ACYP2: variants seen among roughly 807,000 people sequenced by gnomAD.
ACYP2 encodes acylphosphatase 2.
In ACYP2, 12 loss-of-function variants were observed where a neutral mutation model predicts 11.2. The observed-to-expected ratio is 1.08, with a 90% CI of 0.69 to 1.74. ACYP2 has a LOEUF of 1.74. Ranked by LOEUF, ACYP2 falls within the 40% of genes most tolerant of loss-of-function variation. ACYP2 has a pLI of 0.00. For synonymous variants in ACYP2, 43 were observed against 32.2 expected (o/e 1.33, Z -1.13); for missense variants, 134 against 101.9 (o/e 1.31, Z -1.35).
intron 6 of ACYP2, among the ~76,000 whole-genome samples, chr2:54,144,218 C>T (rs892848682): frequency 6.6e-6 from 1 of 152,060 alleles, no homozygotes; most frequent in Admixed American, 6.5e-5. Context: ...AACGATCCTC[C>T]TGCCTCGGCC....
At position 54,211,113 on chromosome 2, in the gene ACYP2, A is replaced by G. The variant is rs905112331; in HGVS notation, c.404+72365A>G. On this transcript the variant is annotated intron_variant, in intron 6 of 6. Transcript: ENST00000607452. The stretch of plus-strand genomic sequence containing the variant: ...AAGATCTCATGAAGTACTCAGTTGC[A>G]TGGGGTCATCTGAAAGACGCAGACT... Among the ~76,000 whole-genome samples the G allele has an allele frequency of 2.0e-5, 3 of 152,214 alleles. No individual in the cohort carries two copies. The South Asian group carries it at 6.2e-4, about 32-fold the overall frequency.
chr2:54,272,500 C>G (rs1688354665), intron 6 of ACYP2, among the ~76,000 whole-genome samples: 1 of 152,194 alleles, frequency 6.6e-6, no homozygotes, highest in East Asian at 1.9e-4. Context: ...AGTCTATGTT[C>G]TTGTTTTCAC....
intron 6 of ACYP2, among the ~76,000 whole-genome samples, chr2:54,234,220 T>C (rs972649221): frequency 6.6e-6 from 1 of 152,248 alleles, no homozygotes; most frequent in Admixed American, 6.5e-5. Context: ...TTTGGCTTTC[T>C]CAAAACACTC....
chr2:54,153,414 G>C (rs778698195), intron 6 of ACYP2, among the ~76,000 whole-genome samples: 3 of 147,372 alleles, frequency 2.0e-5, no homozygotes, highest in Non-Finnish European at 4.5e-5. Flanking sequence ...GTAGAATGTT[G>C]CCTCCAGCTT....
chr2:54,043,836 C>G (rs1447605372), intron 2 of ACYP2, among the ~76,000 whole-genome samples: 5 of 152,108 alleles, frequency 3.3e-5, no homozygotes, highest in Non-Finnish European at 7.4e-5. Context: ...ACATTTAAAT[C>G]CTAAAGTGTG....
chr2:54,267,909 T>C lies in ACYP2; in HGVS notation c.405-36779T>C, dbSNP rs537807917. 3.3e-5 allele frequency among the ~76,000 whole-genome samples: 5 copies of C among 152,344 alleles called. No individual in the cohort carries two copies. In the South Asian group the frequency reaches 8.3e-4, roughly 25 times the overall value. On this transcript the variant is annotated intron_variant, in intron 6 of 6. Coordinates refer to ENST00000607452, the MANE Select transcript of ACYP2 (RefSeq NM_001320586.2). The stretch of plus-strand genomic sequence containing the variant: ...TTTGAAATATTGTGCTATTTGGGAA[T>C]TGGGGCCTATTCATGCTAAGCACAT...
At chr2:54,287,938 G>A (rs553748481) in intron 6 of ACYP2, among the ~76,000 whole-genome samples, 3 of 152,092 alleles carry the variant, frequency 2.0e-5, no homozygotes, top group East Asian at 3.9e-4. Flanking sequence ...TCATCAGCAC[G>A]TTGACTCTCT....
chr2:54,297,995 A>T (rs1013215522), intron 6 of ACYP2, among the ~76,000 whole-genome samples: 2 of 152,232 alleles, frequency 1.3e-5, no homozygotes, highest in Non-Finnish European at 2.9e-5. Flanking sequence ...AAACACGGAC[A>T]TTTAAAACTA....
At chr2:54,057,792 G>A (rs1253447309) in intron 4 of ACYP2, among the ~76,000 whole-genome samples, 1 of 152,160 alleles carries the variant, frequency 6.6e-6, no homozygotes, top group African/African-American at 2.4e-5. Flanking sequence ...CTCAAATGAG[G>A]AGTCAAAGCA....
rs200899511 is a variant in ACYP2 at position 54,256,089 on chromosome 2, G to A, written c.405-48599G>A. The A allele has an allele frequency of 4.5e-4, 728 of 1,614,124 alleles. 3 individuals are homozygous for A. Among genetic ancestry groups the A allele is most frequent in the East Asian group, 8.5e-4 (38 of 44,870 alleles). ...TCTTTTCTCGGGACCTCTGGCCCTG[G>A]TGCGGGTCTTCCAGAGCATAGTCGA... On this transcript the variant is annotated intron_variant, in intron 6 of 6. Transcript: ENST00000607452.
intron 6 of ACYP2, among the ~76,000 whole-genome samples, chr2:54,283,162 C>A (rs1688920029): frequency 6.6e-6 from 1 of 152,154 alleles, no homozygotes; most frequent in East Asian, 1.9e-4. Flanking sequence ...TGAAACTTAC[C>A]CTAATTATCA....
chr2:54,276,195 A>T (rs1688556826), intron 6 of ACYP2, among the ~76,000 whole-genome samples: 1 of 151,558 alleles, frequency 6.6e-6, no homozygotes, highest in South Asian at 2.1e-4. Context: ...TTTACAGAAA[A>T]AGTAAAAGTC....
chr2:54,091,325 A>T (rs535216830), intron 4 of ACYP2, among the ~76,000 whole-genome samples: 11 of 152,132 alleles, frequency 7.2e-5, no homozygotes, highest in Non-Finnish European at 1.2e-4. Context: ...ATCAATATAT[A>T]CTTTCTAACA....
At chr2:53,990,889 T>G (rs1672257373) in intron 2 of ACYP2, among the ~76,000 whole-genome samples, 2 of 151,708 alleles carry the variant, frequency 1.3e-5, no homozygotes. Flanking sequence ...CTCCGCTTCC[T>G]GGGTTCACGC....
intron 3 of ACYP2, among the ~76,000 whole-genome samples, chr2:54,054,880 G>C (rs1446875283): frequency 6.6e-6 from 1 of 152,154 alleles, no homozygotes; most frequent in African/African-American, 2.4e-5. Flanking sequence ...AGATAAGAAA[G>C]CCAGGCTAAA....
intron 2 of ACYP2, among the ~76,000 whole-genome samples, chr2:53,999,160 G>A (rs1044308975): frequency 6.6e-6 from 1 of 152,204 alleles, no homozygotes; most frequent in Non-Finnish European, 1.5e-5. Flanking sequence ...GCAGTTGGCA[G>A]TGGCACAGTT....
intron 4 of ACYP2, 74 bp downstream of exon 1, chr2:54,115,830 C>A (rs1679741510): frequency 7.0e-7 from 1 of 1,438,352 alleles, no homozygotes; most frequent in East Asian, 2.8e-5. Context: ...GAAGCGCCTC[C>A]CACCTAAAGT....
At chr2:54,074,733 C>G (rs537791427) in intron 4 of ACYP2, among the ~76,000 whole-genome samples, 1 of 151,908 alleles carries the variant, frequency 6.6e-6, no homozygotes, top group Non-Finnish European at 1.5e-5. Flanking sequence ...ATTGACAAGT[C>G]CAAAATCTGC....
chr2:53,985,601 A>T (rs925458047), intron 2 of ACYP2, among the ~76,000 whole-genome samples: 4 of 152,206 alleles, frequency 2.6e-5, no homozygotes, highest in African/African-American at 7.2e-5. Flanking sequence ...TATCAACAGT[A>T]TAATGGATAA....
Sources: gnomAD v4.1 joint callset for allele counts (sites outside exome capture counted in the v4.1 genomes callset) on GRCh38, gnomAD v4.1.1 for gene constraint, MANE v1.5 for transcripts, NCBI Gene and HGNC (gene_info 2026-07-23, HGNC 2026-07-21) for gene names.